The following ZMAT4 variants were observed in gnomAD, a reference collection of about 807,000 sequenced individuals.
The protein encoded by ZMAT4 is zinc finger matrin-type protein 4.
In ZMAT4, 17 loss-of-function variants were observed where a neutral mutation model predicts 28.7. That is an observed-to-expected ratio of 0.59 (90% CI 0.41 to 0.89). ZMAT4 has a LOEUF of 0.89. Among genes scored for constraint, ZMAT4 ranks in the 40% least tolerant of loss-of-function variants. The probability of loss-of-function intolerance (pLI) is 0.00; values close to 1 mark genes in which losing one functional copy is unlikely to be tolerated. For missense variants in ZMAT4, 240 were observed against 283.8 expected, an observed-to-expected ratio of 0.85 and a Z score of 1.11; for synonymous variants, 117 against 109.2, an observed-to-expected ratio of 1.07 and a Z score of -0.44.
chr8:40,801,351 AAT>A (rs1554559737), intron 2 of ZMAT4, among the ~76,000 whole-genome samples: 3,368 of 97,238 alleles, frequency 0.035, 128 homozygotes, highest in East Asian at 0.25. Context: ...TAAAAAAAAA[AAT>A]ATATATATAT....
At chr8:40,631,346 T>G (rs1806573701) in intron 5 of ZMAT4, among the ~76,000 whole-genome samples, 1 of 152,088 alleles carries the variant, frequency 6.6e-6, no homozygotes, top group Non-Finnish European at 1.5e-5. Context: ...TTAGTAGAGA[T>G]GGAATTTCAC....
intron 3 of ZMAT4, among the ~76,000 whole-genome samples, chr8:40,756,316 C>T (rs1161937102): frequency 1.3e-5 from 2 of 151,202 alleles, no homozygotes; most frequent in East Asian, 1.9e-4. Context: ...CTGGCAGCCC[C>T]GGGCAGTGTA....
intron 3 of ZMAT4, among the ~76,000 whole-genome samples, chr8:40,762,932 G>T (rs368983716): frequency 2.0e-5 from 3 of 152,276 alleles, no homozygotes; most frequent in African/African-American, 7.2e-5. Flanking sequence ...CTCAAGAAAT[G>T]CCTCTGAGTT....
intron 5 of ZMAT4, among the ~76,000 whole-genome samples, chr8:40,641,909 A>C (rs1240340256): frequency 6.6e-6 from 1 of 152,158 alleles, no homozygotes; most frequent in African/African-American, 2.4e-5. Context: ...CCTGGGCAAC[A>C]AAGCGAGAAT....
chr8:40,701,581 G>A (rs1180520073), intron 3 of ZMAT4, among the ~76,000 whole-genome samples: 6 of 124,264 alleles, frequency 4.8e-5, no homozygotes, highest in Non-Finnish European at 3.1e-5. Flanking sequence ...GCAGTGTCAC[G>A]ATCTCGGCTC....
chr8:40,734,672 T>C (rs1811687297), intron 3 of ZMAT4, among the ~76,000 whole-genome samples: 1 of 152,100 alleles, frequency 6.6e-6, no homozygotes, highest in South Asian at 2.1e-4. Flanking sequence ...CATCTCCAGG[T>C]TTAAAATGAA....
At chr8:40,780,957 C>T (rs1813800340) in intron 2 of ZMAT4, among the ~76,000 whole-genome samples, 1 of 152,162 alleles carries the variant, frequency 6.6e-6, no homozygotes. Context: ...AGCTTTCCCC[C>T]TAAGATGAGG....
At chr8:40,737,828 G>T (rs1811836545) in intron 3 of ZMAT4, among the ~76,000 whole-genome samples, 1 of 151,000 alleles carries the variant, frequency 6.6e-6, no homozygotes, top group Non-Finnish European at 1.5e-5. Context: ...TTTTTTTAAT[G>T]AAGAGGATAA....
At chr8:40,785,305 C>T (rs1461421555) in intron 2 of ZMAT4, among the ~76,000 whole-genome samples, 1 of 152,224 alleles carries the variant, frequency 6.6e-6, no homozygotes, top group Non-Finnish European at 1.5e-5. Flanking sequence ...TTCTGATTTT[C>T]ATTTCGGCAA....
intron 6 of ZMAT4, among the ~76,000 whole-genome samples, chr8:40,554,290 C>T (rs1007840819): frequency 6.6e-6 from 1 of 152,064 alleles, no homozygotes; most frequent in African/African-American, 2.4e-5. Context: ...TCTGCTTCTG[C>T]TTTTGATAAC....
At chr8:40,727,926 A>T (rs961186837) in intron 3 of ZMAT4, among the ~76,000 whole-genome samples, 2 of 152,188 alleles carry the variant, frequency 1.3e-5, no homozygotes, top group Non-Finnish European at 2.9e-5. Context: ...TATAAGCTGA[A>T]TTTTTATGCA....
rs1049542997 is a variant in ZMAT4 at position 40,805,945 on chromosome 8, A to G, written c.102+19630T>C. ...CCTAAAACTTAAAGTATAATTAAAA[A>G]AAAAAGTTTTCACAAGAACAAAATT... On this transcript the variant is annotated intron_variant, in intron 2 of 6. Coordinates refer to ENST00000297737, the MANE Select transcript of ZMAT4 (RefSeq NM_024645.3). 8.5e-5 allele frequency among the ~76,000 whole-genome samples: 13 copies of G among 152,202 alleles called. 1 individual carries two copies. Among genetic ancestry groups the G allele is most frequent in the Admixed American group, 6.5e-5 (1 of 15,270 alleles).
intron 3 of ZMAT4, among the ~76,000 whole-genome samples, chr8:40,715,523 G>A (rs1810814025): frequency 6.6e-6 from 1 of 152,000 alleles, no homozygotes; most frequent in African/African-American, 2.4e-5. Context: ...TTTTTTCTTT[G>A]TCCTTTATGA....
At chr8:40,653,183 C>T (rs1019575945) in intron 5 of ZMAT4, among the ~76,000 whole-genome samples, 1 of 151,782 alleles carries the variant, frequency 6.6e-6, no homozygotes, top group Admixed American at 6.6e-5. Flanking sequence ...TAAAAATGGA[C>T]AGCAAAAAAT....
chr8:40,551,559 T>A (rs1352017046), intron 6 of ZMAT4, among the ~76,000 whole-genome samples: 1 of 152,190 alleles, frequency 6.6e-6, no homozygotes, highest in Non-Finnish European at 1.5e-5. Flanking sequence ...ATGATTTGTG[T>A]TGGGGAAGAT....
chr8:40,666,536 A>T (rs1808422653), intron 5 of ZMAT4, among the ~76,000 whole-genome samples: 1 of 152,154 alleles, frequency 6.6e-6, no homozygotes, highest in South Asian at 2.1e-4. Flanking sequence ...GTGAAAATTA[A>T]AAAAATACAA....
chr8:40,557,265 A>G (rs1340174814), intron 6 of ZMAT4, among the ~76,000 whole-genome samples: 1 of 152,184 alleles, frequency 6.6e-6, no homozygotes, highest in Non-Finnish European at 1.5e-5. Context: ...AATATATGGT[A>G]TATATACACA....
chr8:40,578,992 G>A (rs1463796794), intron 6 of ZMAT4, among the ~76,000 whole-genome samples: 1 of 152,116 alleles, frequency 6.6e-6, no homozygotes. Context: ...CTGCTTTCAG[G>A]GTGATAGTGG....
intron 6 of ZMAT4, among the ~76,000 whole-genome samples, chr8:40,550,041 C>T (rs1479512940): frequency 2.0e-5 from 3 of 152,164 alleles, no homozygotes; most frequent in Non-Finnish European, 2.9e-5. Context: ...AGTATCAACT[C>T]AGGGTGACTG....
Sources: allele counts gnomAD v4.1 joint callset (sites outside exome capture counted in the v4.1 genomes callset), GRCh38; gene constraint gnomAD v4.1.1; transcripts MANE v1.5; gene names NCBI Gene and HGNC (gene_info 2026-07-23, HGNC 2026-07-21).